Variants in ALK observed in about 807,000 individuals in gnomAD.
The protein encoded by ALK is ALK tyrosine kinase receptor.
Under a neutral mutation model 163.1 loss-of-function variants are expected in ALK, and 74 were observed. The ratio of observed to expected loss-of-function variants is 0.45; its 90% CI spans 0.38 to 0.55. ALK has a LOEUF of 0.55. Ranked by LOEUF, ALK falls within the 20% of genes least tolerant of loss-of-function variation. ALK has a pLI of 0.00. For missense variants in ALK, 2,063 were observed against 2,105.3 expected (o/e 0.98, Z 0.39); for synonymous variants, 960 against 843.2 (o/e 1.14, Z -2.40).
intron 4 of ALK, among the ~76,000 whole-genome samples, chr2:29,522,661 T>C (rs1421788785): frequency 6.6e-6 from 1 of 152,092 alleles, no homozygotes; most frequent in African/African-American, 2.4e-5. Flanking sequence ...GGACATTGCA[T>C]GTGTAGGGGT....
At chr2:29,902,239 C>T (rs1358364761) in intron 1 of ALK, among the ~76,000 whole-genome samples, 1 of 152,126 alleles carries the variant, frequency 6.6e-6, no homozygotes, top group African/African-American at 2.4e-5. Flanking sequence ...TTTTTTCTTC[C>T]CAAATTCTTT....
intron 2 of ALK, among the ~76,000 whole-genome samples, chr2:29,717,095 C>T (rs905177347): frequency 4.1e-5 from 6 of 146,270 alleles, no homozygotes; most frequent in African/African-American, 1.0e-4. Context: ...TGGTGTGAAC[C>T]CAGGAGGCGG....
intron 1 of ALK, among the ~76,000 whole-genome samples, chr2:29,888,190 G>C (rs539658213): frequency 6.7e-6 from 1 of 150,264 alleles, no homozygotes; most frequent in East Asian, 2.0e-4. Flanking sequence ...TACCATGGCT[G>C]TTCCTAGCTG....
At position 29,920,826 on chromosome 2, in the gene ALK, C is replaced by T; in HGVS notation, c.-167G>A. The T allele has an allele frequency of 4.7e-6, 3 of 640,658 alleles. No homozygotes were observed. Among genetic ancestry groups the T allele is most frequent in the South Asian group, 2.0e-5 (1 of 51,256 alleles). The allele number at this position is 640,658 out of a possible 1,614,324, so 39.7% of individuals were successfully genotyped here. Reference sequence around the variant, plus strand: ...AGTCTCTTGCTTTCCCCCAACTGCACGGAGGCGAGCAGGAGTCTAAATGAA... The same window carrying T: ...AGTCTCTTGCTTTCCCCCAACTGCATGGAGGCGAGCAGGAGTCTAAATGAA... On this transcript the variant is annotated 5_prime_UTR_variant, in exon 1 of 29. The change creates a new upstream start codon in the 5' untranslated region. Transcript: ENST00000389048.
rs74469865 is a variant in ALK, at chr2:29,841,549, C to T, written c.667+78444G>A. Among the ~76,000 whole-genome samples the T allele has an allele frequency of 8.7e-3, 1,321 of 152,258 alleles. 25 individuals carry two copies. The highest frequency in any genetic ancestry group is 0.029 in the African/African-American group (1,212 of 41,544). The stretch of plus-strand genomic sequence containing the variant: ...CAGTTGAACATCTTGATGTCTTCCA[C>T]CAAATTTTGCTCAGTGTTCTTGGGA... On this transcript the variant is annotated intron_variant, in intron 1 of 28. Coordinates refer to ENST00000389048, the MANE Select transcript of ALK (RefSeq NM_004304.5).
chr2:29,814,494 A>T (rs1195313110), intron 1 of ALK, among the ~76,000 whole-genome samples: 1 of 151,956 alleles, frequency 6.6e-6, no homozygotes, highest in Non-Finnish European at 1.5e-5. Context: ...CCCTGTCTCT[A>T]CTAAAAATAC....
chr2:29,509,535 C>G (rs1204228470), intron 4 of ALK, among the ~76,000 whole-genome samples: 1 of 152,188 alleles, frequency 6.6e-6, no homozygotes, highest in African/African-American at 2.4e-5. Context: ...AACTATCTCT[C>G]TCTGAGTCCT....
At chr2:29,880,339 G>T (rs552654012) in intron 1 of ALK, among the ~76,000 whole-genome samples, 1 of 152,322 alleles carries the variant, frequency 6.6e-6, no homozygotes, top group Non-Finnish European at 1.5e-5. Flanking sequence ...GGGCAGGAAT[G>T]GGGTGATGGT....
intron 6 of ALK, among the ~76,000 whole-genome samples, chr2:29,322,561 C>T (rs564986817): frequency 8.8e-4 from 134 of 152,338 alleles, no homozygotes; most frequent in Non-Finnish European, 1.4e-3. Flanking sequence ...CGACAGGGCA[C>T]GGTGGCTCAC....
chr2:29,290,850 T>C (rs1323439073), intron 9 of ALK, among the ~76,000 whole-genome samples: 1 of 151,796 alleles, frequency 6.6e-6, no homozygotes, highest in Non-Finnish European at 1.5e-5. Flanking sequence ...GGGGACACAA[T>C]GGCCTGGAAG....
At chr2:29,875,394 A>C (rs1666678078) in intron 1 of ALK, among the ~76,000 whole-genome samples, 1 of 152,152 alleles carries the variant, frequency 6.6e-6, no homozygotes, top group Non-Finnish European at 1.5e-5. Context: ...TACCACAATA[A>C]AATATTTCTT....
chr2:29,425,917 C>A (rs1670124078), intron 4 of ALK, among the ~76,000 whole-genome samples: 1 of 152,108 alleles, frequency 6.6e-6, no homozygotes, highest in African/African-American at 2.4e-5. Flanking sequence ...CCAGAGAGAA[C>A]CATGGAAATA....
intron 5 of ALK, among the ~76,000 whole-genome samples, chr2:29,379,634 C>T (rs747683260): frequency 1.2e-4 from 18 of 152,046 alleles, no homozygotes; most frequent in Non-Finnish European, 2.4e-4. Flanking sequence ...CCAGTATAGG[C>T]CCCTTTTTCT....
chr2:29,904,879 G>A (rs1252229420), intron 1 of ALK, among the ~76,000 whole-genome samples: 1 of 152,194 alleles, frequency 6.6e-6, no homozygotes, highest in Non-Finnish European at 1.5e-5. Flanking sequence ...TGAGTGTGAG[G>A]TTGAGTAGAG....
chr2:29,607,182 A>T (rs373458925), intron 3 of ALK, among the ~76,000 whole-genome samples: 4 of 152,086 alleles, frequency 2.6e-5, no homozygotes, highest in African/African-American at 4.8e-5. Flanking sequence ...ATGATATCTG[A>T]GGGAGGGCTG....
At chr2:29,526,913 C>T (rs759744527) in intron 4 of ALK, among the ~76,000 whole-genome samples, 5 of 152,196 alleles carry the variant, frequency 3.3e-5, no homozygotes, top group African/African-American at 9.6e-5. Context: ...TGTCTACTGA[C>T]AGGAACAGCC....
At chr2:29,508,066 G>A (rs1005182373) in intron 4 of ALK, among the ~76,000 whole-genome samples, 3 of 152,146 alleles carry the variant, frequency 2.0e-5, no homozygotes, top group African/African-American at 4.8e-5. Context: ...ACCAAACTGA[G>A]GGTCTGATCT....
Position 29,572,708 on chromosome 2 carries a change from T to C in ALK, c.953-40592A>G, listed in dbSNP as rs557412905. Among the ~76,000 whole-genome samples, 3 of 152,342 alleles carry C rather than the reference T, an allele frequency of 2.0e-5. No homozygotes were observed. In the South Asian group the frequency reaches 6.2e-4, roughly 32 times the overall value. On this transcript the variant is annotated intron_variant, in intron 3 of 28. Transcript: ENST00000389048. ...GGTGAGGACCATGCCTGCCTGTTCT[T>C]CAGCTCCAATCCCCACGCCTCTCAA...
At chr2:29,755,383 T>C (rs1680488366) in intron 1 of ALK, among the ~76,000 whole-genome samples, 1 of 152,170 alleles carries the variant, frequency 6.6e-6, no homozygotes, top group African/African-American at 2.4e-5. Context: ...GAAAATCCCC[T>C]GGTTGGTGCT....
Sources: allele counts gnomAD v4.1 joint callset (sites outside exome capture counted in the v4.1 genomes callset), GRCh38; gene constraint gnomAD v4.1.1; transcripts MANE v1.5; gene names NCBI Gene and HGNC (gene_info 2026-07-23, HGNC 2026-07-21).